VWF: variants seen among roughly 807,000 people sequenced by gnomAD.
The protein encoded by VWF is von Willebrand factor.
Under a neutral mutation model 308.6 loss-of-function variants are expected in VWF, and 176 were observed. That is an observed-to-expected ratio of 0.57 (90% CI 0.50 to 0.65). The LOEUF (loss-of-function observed/expected upper bound fraction) is 0.65, where lower values mean the gene tolerates loss of function less well. Among genes scored for constraint, VWF ranks in the 30% least tolerant of loss-of-function variants. VWF has a pLI of 0.00. For missense variants in VWF, 3,146 were observed against 3,648.2 expected (o/e 0.86, Z 3.55); for synonymous variants, 1,385 against 1,443.4 (o/e 0.96, Z 0.92).
intron 47 of VWF, among the ~76,000 whole-genome samples, chr12:5,964,230 A>ACATACATGCATGCATGCATG (rs1943360472): frequency 1.0e-4 from 14 of 140,506 alleles, no homozygotes; most frequent in African/African-American, 3.7e-4. Flanking sequence ...ATACATACAT[A>ACATACATGCATGCATGCATG]CATACATACA....
chr12:6,107,705 C>T (rs1945258835), intron 5 of VWF, among the ~76,000 whole-genome samples: 2 of 152,068 alleles, frequency 1.3e-5, no homozygotes, highest in African/African-American at 4.8e-5. Flanking sequence ...GTCGCCCAGG[C>T]TGGAGTGCAG....
chr12:6,071,052 A>G (rs1944773930), intron 10 of VWF, among the ~76,000 whole-genome samples: 1 of 152,236 alleles, frequency 6.6e-6, no homozygotes, highest in South Asian at 2.1e-4. Context: ...AGGACAGACA[A>G]TAACATCTGA....
At chr12:6,040,334 G>A (rs115954964) in intron 18 of VWF, among the ~76,000 whole-genome samples, 3,151 of 152,138 alleles carry the variant, frequency 0.021, 113 homozygotes, top group African/African-American at 0.072. Context: ...TTATCGATCC[G>A]GCAGGTCTCA....
At chr12:6,041,483 C>G (rs1230802552) in intron 18 of VWF, among the ~76,000 whole-genome samples, 1 of 151,696 alleles carries the variant, frequency 6.6e-6, no homozygotes, top group African/African-American at 2.4e-5. Flanking sequence ...GAGTCTCGCT[C>G]TGTCGCTCAG....
chr12:5,967,832 G>A (rs2136354594), intron 46 of VWF, among the ~76,000 whole-genome samples: 1 of 152,302 alleles, frequency 6.6e-6, no homozygotes. Context: ...GTGGCAGAGG[G>A]GACAAACTAA....
Position 6,011,546 on chromosome 12 carries a change from C to G in VWF, c.5842+71G>C, listed in dbSNP as rs552846518. 13 of 1,455,894 alleles carry G rather than the reference C, an allele frequency of 8.9e-6. No individual in the cohort carries two copies. In the South Asian group the frequency reaches 1.6e-4, roughly 18 times the overall value. 90.2% of individuals were successfully genotyped at this position (1,455,894 alleles called of 1,614,324 possible). On this transcript the variant is annotated intron_variant, in intron 34 of 51. Coordinates refer to ENST00000261405, the MANE Select transcript of VWF (RefSeq NM_000552.5). ...TCTGGGCTGGTGGGTGCCTGCTCTACTTTTCTGCACAGCCAAGCTAAAAGC... is the reference window on the plus strand; with the variant it reads ...TCTGGGCTGGTGGGTGCCTGCTCTAGTTTTCTGCACAGCCAAGCTAAAAGC...
chr12:6,003,276 T>C (rs1203884630), intron 34 of VWF, among the ~76,000 whole-genome samples: 5 of 152,188 alleles, frequency 3.3e-5, no homozygotes, highest in African/African-American at 9.7e-5. Context: ...TACGTCTATG[T>C]TTTTGAACAC....
At chr12:5,985,896 T>C (rs906341486) in intron 38 of VWF, among the ~76,000 whole-genome samples, 18 of 152,226 alleles carry the variant, frequency 1.2e-4, no homozygotes, top group African/African-American at 4.3e-4. Flanking sequence ...AAATTTTCAC[T>C]ACAGCCTTCT....
intron 16 of VWF, among the ~76,000 whole-genome samples, chr12:6,048,077 T>C (rs1289831154): frequency 6.6e-6 from 1 of 152,250 alleles, no homozygotes; most frequent in African/African-American, 2.4e-5. Context: ...CTCTGCATTA[T>C]CCAGATGTCT....
chr12:6,084,020 G>A (rs1351112200), intron 6 of VWF, among the ~76,000 whole-genome samples: 1 of 152,156 alleles, frequency 6.6e-6, no homozygotes, highest in Non-Finnish European at 1.5e-5. Flanking sequence ...ATGAGATCTT[G>A]CATGGCCCTG....
At chr12:6,023,044 T>G in intron 25 of VWF, 146 bp from the exon 26 acceptor site, 1 of 471,874 alleles carries the variant, frequency 2.1e-6, no homozygotes, top group East Asian at 4.1e-5. Flanking sequence ...ACTTCTGGAT[T>G]GTTGAAGCAC....
chr12:6,095,731 G>T, intron 5 of VWF, 147 bp from the exon 6 acceptor site: 1 of 1,126,522 alleles, frequency 8.9e-7, no homozygotes, highest in Non-Finnish European at 1.3e-6. Flanking sequence ...TCCCAGGCTG[G>T]AGTGCAGCGG....
rs971026738 is a variant in VWF at position 6,060,382 on chromosome 12, G to A, written c.1534-2338C>T. ...AACACACCCAGGGGAAGGAGACCGG[G>A]GGGCCCCTAGCTGCACCTCCTCTTG... On this transcript the variant is annotated intron_variant, in intron 13 of 51. Transcript: ENST00000261405. This position sits in a 1 kb window ranked among gnomAD's most constrained non-coding sequence, Gnocchi z 5.1. Among the ~76,000 whole-genome samples, 1 of 151,962 alleles carries A rather than the reference G, an allele frequency of 6.6e-6. No individual in the cohort carries two copies. The highest frequency in any genetic ancestry group is 2.4e-5 in the African/African-American group (1 of 41,388).
At chr12:5,953,462 A>G (rs1335215029) in intron 48 of VWF, 34 bp downstream of exon 48, 1 of 1,585,292 alleles carries the variant, frequency 6.3e-7, no homozygotes, top group Admixed American at 1.7e-5. Context: ...AGATGGTGAT[A>G]TGTGAGGGAG....
chr12:5,974,581 T>C (rs745882993), intron 43 of VWF, among the ~76,000 whole-genome samples: 14 of 152,210 alleles, frequency 9.2e-5, no homozygotes, highest in Non-Finnish European at 1.8e-4. Flanking sequence ...TCTTGAGAAG[T>C]TGATCCATGA....
rs966265563 is a variant in VWF, at chr12:6,046,624, G to A, written c.2281+99C>T. The stretch of plus-strand genomic sequence containing the variant: ...GCCAGACCCATGCCTGGGTGCACAC[G>A]CACATCTGACGGTGTCACCCAGCTC... On this transcript the variant is annotated intron_variant, in intron 17 of 51. Transcript: ENST00000261405. This position sits in a 1 kb window ranked among gnomAD's most constrained non-coding sequence, Gnocchi z 5.0. 1.6e-5 allele frequency: 20 copies of A among 1,213,936 alleles called. No individual in the cohort carries two copies. The highest frequency in any genetic ancestry group is 1.0e-4 in the African/African-American group (7 of 67,136). The allele number at this position is 1,213,936 out of a possible 1,614,324, so 75.2% of individuals were successfully genotyped here. A position where few individuals can be genotyped will look rare whatever the true frequency, so the allele number is the denominator to read the frequency against.
In VWF at chr12:6,075,247, G is replaced by T; in HGVS notation, c.874+88C>A. 6.5e-7 allele frequency: 1 copy of T among 1,539,482 alleles called. No homozygotes were observed. ...GGGTGTGGTAAAGCCGCACATACGTGACACAGCCCCGAAGCACCCTAAGGG... is the reference window on the plus strand; with the variant it reads ...GGGTGTGGTAAAGCCGCACATACGTTACACAGCCCCGAAGCACCCTAAGGG... On this transcript the variant is annotated intron_variant, in intron 7 of 51. Coordinates refer to ENST00000261405, the MANE Select transcript of VWF (RefSeq NM_000552.5). The surrounding 1 kb of genome is among the most constrained non-coding windows in gnomAD (Gnocchi z 4.7).
In VWF at chr12:6,108,306, A is replaced by G. The variant is rs7485252; in HGVS notation, c.532+2068T>C. 2.0e-4 allele frequency among the ~76,000 whole-genome samples: 29 copies of G among 142,662 alleles called. No homozygotes were observed. The South Asian group carries it at 2.2e-3, about 11-fold the overall frequency. 93.6% of individuals were successfully genotyped at this position (142,662 alleles called of 152,430 possible). A position where few individuals can be genotyped will look rare whatever the true frequency, so the allele number is the denominator to read the frequency against. On this transcript the variant is annotated intron_variant, in intron 5 of 51. Coordinates refer to ENST00000261405, the MANE Select transcript of VWF (RefSeq NM_000552.5). ...AAGACTCTGTCTTTAAAAAAAAAAA[A>G]AAAGAAAGAAAGAAAGAAAGAAATA...
chr12:6,084,196 C>T (rs1456960820), intron 6 of VWF, among the ~76,000 whole-genome samples: 1 of 152,220 alleles, frequency 6.6e-6, no homozygotes, highest in Admixed American at 6.5e-5. Flanking sequence ...ACCAGGAAAT[C>T]AAATGCTTAT....
Sources: gnomAD v4.1 joint callset for allele counts (sites outside exome capture counted in the v4.1 genomes callset) on GRCh38, gnomAD v4.1.1 for gene constraint, Gnocchi (gnomAD v3.1) non-coding constraint, MANE v1.5 for transcripts, NCBI Gene and HGNC (gene_info 2026-07-23, HGNC 2026-07-21) for gene names.